Variants in CACNA2D3 observed in about 807,000 individuals in gnomAD.
CACNA2D3 encodes the protein calcium voltage-gated channel auxiliary subunit alpha2delta 3, also known as voltage-dependent calcium channel subunit alpha-2/delta-3.
CACNA2D3 carries 60 observed loss-of-function variants against 160.6 expected under a neutral mutation model. The ratio of observed to expected loss-of-function variants is 0.37; its 90% CI spans 0.30 to 0.46. The LOEUF (loss-of-function observed/expected upper bound fraction) is 0.46. Among genes scored for constraint, CACNA2D3 ranks in the 20% least tolerant of loss-of-function variants. CACNA2D3 has a pLI of 1.00. For synonymous variants in CACNA2D3, 558 were observed against 492.9 expected (o/e 1.13, Z -1.75); for missense variants, 1,205 against 1,365.0 (o/e 0.88, Z 1.85).
chr3:54,521,231 AT>A (rs964732479), intron 5 of CACNA2D3, among the ~76,000 whole-genome samples: 1 of 152,174 alleles, frequency 6.6e-6, no homozygotes, highest in African/African-American at 2.4e-5. Flanking sequence ...GTAGGTTCAG[AT>A]TTCTTATCTG....
At chr3:54,388,516 C>T (rs1008886280) in intron 4 of CACNA2D3, among the ~76,000 whole-genome samples, 2 of 152,144 alleles carry the variant, frequency 1.3e-5, no homozygotes, top group African/African-American at 4.8e-5. Flanking sequence ...TATAGCTAAG[C>T]ATAAGAGGGG....
chr3:54,377,747 AC>A (rs1047724671), intron 3 of CACNA2D3, among the ~76,000 whole-genome samples: 5 of 152,172 alleles, frequency 3.3e-5, no homozygotes, highest in African/African-American at 1.2e-4. Flanking sequence ...AACAAAATGT[AC>A]CCCAAACTTC....
intron 4 of CACNA2D3, among the ~76,000 whole-genome samples, chr3:54,400,546 C>T (rs989207277): frequency 2.0e-5 from 3 of 152,166 alleles, no homozygotes; most frequent in African/African-American, 7.2e-5. Flanking sequence ...AAGTCCTTGT[C>T]ACCAAGGACC....
At chr3:54,923,107 A>G (rs1361208576) in intron 27 of CACNA2D3, among the ~76,000 whole-genome samples, 1 of 152,096 alleles carries the variant, frequency 6.6e-6, no homozygotes, top group Non-Finnish European at 1.5e-5. Context: ...AGTTCTCCCA[A>G]GAGTCTACAG....
intron 31 of CACNA2D3, among the ~76,000 whole-genome samples, chr3:54,998,048 G>A (rs1575428249): frequency 6.6e-6 from 1 of 152,024 alleles, no homozygotes; most frequent in East Asian, 1.9e-4. Context: ...TCATCTGTCT[G>A]AGACTTAGTT....
intron 8 of CACNA2D3, among the ~76,000 whole-genome samples, chr3:54,572,422 G>A (rs1228623348): frequency 6.6e-6 from 1 of 152,164 alleles, no homozygotes; most frequent in African/African-American, 2.4e-5. Flanking sequence ...TAAGTGTCCT[G>A]TGTGGATTAT....
chr3:54,535,221 A>G (rs1347561357), intron 5 of CACNA2D3, among the ~76,000 whole-genome samples: 1 of 152,232 alleles, frequency 6.6e-6, no homozygotes, highest in Non-Finnish European at 1.5e-5. Context: ...CCCCAGATCT[A>G]CTGAATCAAA....
At chr3:55,062,657 G>A (rs757648699) in intron 35 of CACNA2D3, among the ~76,000 whole-genome samples, 3 of 152,146 alleles carry the variant, frequency 2.0e-5, no homozygotes, top group Non-Finnish European at 4.4e-5. Context: ...CTGTAGAATT[G>A]GAGGCGTCTG....
intron 4 of CACNA2D3, among the ~76,000 whole-genome samples, chr3:54,447,502 A>G (rs1456869653): frequency 6.6e-6 from 1 of 152,242 alleles, no homozygotes; most frequent in Non-Finnish European, 1.5e-5. Flanking sequence ...CTTGGAGGCC[A>G]GACCACAGAA....
At chr3:54,836,226 C>CTTTTTTTT (rs71096454) in intron 14 of CACNA2D3, among the ~76,000 whole-genome samples, 26 of 92,688 alleles carry the variant, frequency 2.8e-4, no homozygotes, top group South Asian at 7.6e-4. Context: ...TTTTTTTTTT[C>CTTTTTTTT]TTTTTTTTTT....
At chr3:54,554,941 C>A (rs1702220474) in intron 5 of CACNA2D3, among the ~76,000 whole-genome samples, 1 of 131,718 alleles carries the variant, frequency 7.6e-6, no homozygotes, top group South Asian at 2.7e-4. Context: ...GTAGTGCAAT[C>A]TTGGCTCATC....
intron 13 of CACNA2D3, among the ~76,000 whole-genome samples, chr3:54,809,933 C>A (rs1051503072): frequency 3.3e-5 from 5 of 152,054 alleles, no homozygotes; most frequent in African/African-American, 1.2e-4. Context: ...AAAACCTAAA[C>A]AAGTAAAGAG....
At chr3:54,553,219 A>G (rs1702188175) in intron 5 of CACNA2D3, among the ~76,000 whole-genome samples, 1 of 152,244 alleles carries the variant, frequency 6.6e-6, no homozygotes, top group Non-Finnish European at 1.5e-5. Flanking sequence ...CACATTAAGG[A>G]CTATTTTCCA....
chr3:54,649,887 T>G (rs1699726842), intron 11 of CACNA2D3, among the ~76,000 whole-genome samples: 1 of 152,218 alleles, frequency 6.6e-6, no homozygotes, highest in African/African-American at 2.4e-5. Context: ...TATTTTGCCT[T>G]GTGTTACACT....
chr3:54,436,171 TA>T (rs1383485425), intron 4 of CACNA2D3, among the ~76,000 whole-genome samples: 1 of 151,664 alleles, frequency 6.6e-6, no homozygotes, highest in African/African-American at 2.4e-5. Flanking sequence ...ACAAACATAT[TA>T]AAAAAAACTC....
At chr3:55,070,457 G>A (rs1483332335) in intron 35 of CACNA2D3, among the ~76,000 whole-genome samples, 2 of 152,160 alleles carry the variant, frequency 1.3e-5, no homozygotes, top group African/African-American at 4.8e-5. Flanking sequence ...TGGGAGATGT[G>A]ACAGCATGTT....
chr3:54,379,647 G>T (rs1244705026), intron 3 of CACNA2D3, among the ~76,000 whole-genome samples: 2 of 152,026 alleles, frequency 1.3e-5, no homozygotes, highest in East Asian at 3.9e-4. Context: ...GCTGTTTCCA[G>T]AATATTTCTC....
intron 2 of CACNA2D3, among the ~76,000 whole-genome samples, chr3:54,228,357 T>C (rs967025799): frequency 6.6e-6 from 1 of 152,164 alleles, no homozygotes; most frequent in African/African-American, 2.4e-5. Context: ...GTATGGCCTG[T>C]ACAAGAATAA....
At position 54,763,789 on chromosome 3, in the gene CACNA2D3, G is replaced by A. The variant is rs9756771; in HGVS notation, c.1247-429G>A. Among the ~76,000 whole-genome samples, 33 of 29,506 alleles carry A rather than the reference G, an allele frequency of 1.1e-3. 5 individuals carry two copies. Among genetic ancestry groups the A allele is most frequent in the African/African-American group, 1.7e-3 (17 of 9,908 alleles). 19.4% of individuals were successfully genotyped at this position (29,506 alleles called of 152,430 possible). ...TATATGTATATATGTACATATATAT[G>A]TATATATATGTACATATATATACAT... On this transcript the variant is annotated intron_variant, in intron 12 of 37. Transcript: ENST00000474759.
Sources: gnomAD v4.1 joint callset for allele counts (sites outside exome capture counted in the v4.1 genomes callset) on GRCh38, gnomAD v4.1.1 for gene constraint, MANE v1.5 for transcripts, NCBI Gene and HGNC (gene_info 2026-07-23, HGNC 2026-07-21) for gene names.